Variants in LMAN2L observed in about 807,000 individuals in gnomAD.
LMAN2L encodes VIP36-like protein.
In LMAN2L, 30 loss-of-function variants were observed where a neutral mutation model predicts 44.3. That is an observed-to-expected ratio of 0.68 (90% CI 0.51 to 0.92). LMAN2L has a LOEUF of 0.92. LMAN2L is among the 40% of genes least tolerant of loss of function. LMAN2L has a pLI of 0.00. For synonymous variants in LMAN2L, 183 were observed against 171.1 expected (o/e 1.07, Z -0.54); for missense variants, 429 against 446.1 (o/e 0.96, Z 0.35).
chr2:96,738,102 A>C, intron 1 of LMAN2L, 35 bp from the exon 2 acceptor site: 2 of 1,439,940 alleles, frequency 1.4e-6, no homozygotes, highest in Non-Finnish European at 2.0e-6. Context: ...CATACTTTTC[A>C]ACACCAATCC....
chr2:96,728,505 CAA>C (rs61588722), intron 4 of LMAN2L, among the ~76,000 whole-genome samples: 15 of 87,766 alleles, frequency 1.7e-4, no homozygotes, highest in Non-Finnish European at 1.3e-4. Context: ...GACTCCGTCT[CAA>C]AAAAAAAAAA....
intron 6 of LMAN2L, among the ~76,000 whole-genome samples, chr2:96,709,835 T>G (rs1244727294): frequency 2.0e-5 from 3 of 152,186 alleles, no homozygotes; most frequent in Non-Finnish European, 4.4e-5. Context: ...AACACAGACT[T>G]ACTAACTTGG....
intron 3 of LMAN2L, 111 bp from the exon 4 acceptor site, chr2:96,733,712 C>G: frequency 1.2e-6 from 1 of 824,584 alleles, no homozygotes; most frequent in Non-Finnish European, 2.0e-6. Flanking sequence ...TCCCAAGCCT[C>G]TCTCAAGATG....
At chr2:96,708,908 CT>C (rs140328524) in intron 6 of LMAN2L, among the ~76,000 whole-genome samples, 112 of 89,228 alleles carry the variant, frequency 1.3e-3, no homozygotes, top group East Asian at 0.011. Flanking sequence ...TGAAGTTAGA[CT>C]TTTTTTTTTT....
intron 4 of LMAN2L, among the ~76,000 whole-genome samples, chr2:96,723,992 G>A (rs968792457): frequency 5.3e-5 from 8 of 151,810 alleles, no homozygotes; most frequent in African/African-American, 1.2e-4. Flanking sequence ...CCAGCTACTC[G>A]GGAGGCTGAG....
At chr2:96,735,070 C>T (rs1415405996) in intron 2 of LMAN2L, among the ~76,000 whole-genome samples, 1 of 152,226 alleles carries the variant, frequency 6.6e-6, no homozygotes, top group African/African-American at 2.4e-5. Flanking sequence ...GGCCCTCTGC[C>T]AAGCTGAGGG....
At chr2:96,713,238 TGTGATGG>T in intron 4 of LMAN2L, 2 of 1,001,356 alleles carry the variant, frequency 2.0e-6, no homozygotes, top group Non-Finnish European at 3.0e-6. Context: ...ATGACCCAGC[TGTGATGG>T]ATGAACAAAC....
chr2:96,720,856 T>C (rs1488922583), intron 4 of LMAN2L, among the ~76,000 whole-genome samples: 1 of 152,030 alleles, frequency 6.6e-6, no homozygotes, highest in Non-Finnish European at 1.5e-5. Context: ...GGAGAATCAC[T>C]TGAACCTGGG....
chr2:96,715,398 A>G (rs2078020199), intron 4 of LMAN2L, among the ~76,000 whole-genome samples: 2 of 152,232 alleles, frequency 1.3e-5, no homozygotes, highest in South Asian at 4.1e-4. Flanking sequence ...ACATTAGTGT[A>G]AGTCACTAAA....
In LMAN2L at chr2:96,730,671, C is replaced by CCT. The variant is rs113684894; in HGVS notation, c.507+2846_507+2847dup. Among the ~76,000 whole-genome samples, 135 of 151,790 alleles carry CCT rather than the reference C, an allele frequency of 8.9e-4. 1 individual carries two copies. The highest frequency in any genetic ancestry group is 3.0e-3 in the African/African-American group (124 of 41,324). On this transcript the variant is annotated intron_variant, in intron 4 of 7. Coordinates refer to ENST00000264963, the MANE Select transcript of LMAN2L (RefSeq NM_030805.4). ...CTTTATTTCCACACACTCATTATCC[C>CCT]CTCTCTCTCTCTTTTTTTTGAGATG...
At chr2:96,707,536 G>A (rs769000524) in intron 7 of LMAN2L, 138 bp from the exon 8 acceptor site, 16 of 1,246,010 alleles carry the variant, frequency 1.3e-5, no homozygotes, top group Non-Finnish European at 1.8e-5. Flanking sequence ...CTTTCCAACT[G>A]AGAAACAAAG....
chr2:96,734,372 G>T, intron 3 of LMAN2L, 37 bp downstream of exon 3: 1 of 1,276,500 alleles, frequency 7.8e-7, no homozygotes, highest in Non-Finnish European at 1.1e-6. Flanking sequence ...AAATCAGGCT[G>T]TCACACCCAC....
At chr2:96,726,656 C>T (rs773926783) in intron 4 of LMAN2L, among the ~76,000 whole-genome samples, 7 of 151,746 alleles carry the variant, frequency 4.6e-5, no homozygotes, top group South Asian at 4.2e-4. Flanking sequence ...TGGTGGTGGG[C>T]GCCTGTAATC....
intron 4 of LMAN2L, among the ~76,000 whole-genome samples, chr2:96,719,891 A>G (rs1227886430): frequency 3.9e-5 from 6 of 152,176 alleles, no homozygotes; most frequent in Non-Finnish European, 5.9e-5. Context: ...TTAACCTGGC[A>G]TGATGGCCAC....
chr2:96,733,088 A>G (rs1202377227), intron 4 of LMAN2L, among the ~76,000 whole-genome samples: 2 of 152,098 alleles, frequency 1.3e-5, no homozygotes, highest in Non-Finnish European at 2.9e-5. Context: ...ACTGTTCTTC[A>G]GGTCTGAGAA....
chr2:96,707,547 C>T (rs539553647), intron 7 of LMAN2L, 149 bp from the exon 8 acceptor site: 56 of 1,219,260 alleles, frequency 4.6e-5, no homozygotes, highest in East Asian at 3.9e-4. Flanking sequence ...AGAAACAAAG[C>T]GGCCCTCCTG....
chr2:96,732,849 T>C (rs1291976805), intron 4 of LMAN2L, among the ~76,000 whole-genome samples: 2 of 148,506 alleles, frequency 1.3e-5, no homozygotes, highest in African/African-American at 5.0e-5. Flanking sequence ...AGTGCAATGG[T>C]GTGATTCTCT....
chr2:96,729,159 A>G (rs1430889640), intron 4 of LMAN2L, among the ~76,000 whole-genome samples: 1 of 151,954 alleles, frequency 6.6e-6, no homozygotes, highest in African/African-American at 2.4e-5. Context: ...GCGACAGAGC[A>G]AGACTCTGTC....
chr2:96,726,661 G>C (rs2078278478), intron 4 of LMAN2L, among the ~76,000 whole-genome samples: 1 of 152,046 alleles, frequency 6.6e-6, no homozygotes. Context: ...GTGGGCGCCT[G>C]TAATCCCAGC....
Sources: allele counts gnomAD v4.1 joint callset (sites outside exome capture counted in the v4.1 genomes callset), GRCh38; gene constraint gnomAD v4.1.1; transcripts MANE v1.5; gene names NCBI Gene and HGNC (gene_info 2026-07-23, HGNC 2026-07-21).